Variants in KCNH8 observed in about 807,000 individuals in gnomAD.
KCNH8 encodes the protein voltage-gated delayed rectifier potassium channel KCNH8.
A neutral mutation model predicts 103.6 loss-of-function variants in KCNH8; 70 were observed. The observed-to-expected ratio is 0.68, with a 90% CI of 0.56 to 0.82. The LOEUF is 0.82. KCNH8 is among the 40% of genes least tolerant of loss of function. KCNH8 has a pLI of 0.00. For missense variants in KCNH8, 1,217 were observed against 1,329.9 expected (o/e 0.92, Z 1.32); for synonymous variants, 498 against 489.4 (o/e 1.02, Z -0.23).
intron 12 of KCNH8, among the ~76,000 whole-genome samples, chr3:19,511,682 C>CA (rs1012693489): frequency 5.3e-5 from 8 of 150,042 alleles, no homozygotes; most frequent in South Asian, 2.1e-4. Flanking sequence ...ACTATCCCAG[C>CA]AAAAAAAAAG....
At position 19,359,189 on chromosome 3, in the gene KCNH8, A is replaced by G. The variant is rs578060017; in HGVS notation, c.811+11224A>G. 1.8e-4 allele frequency among the ~76,000 whole-genome samples: 28 copies of G among 152,056 alleles called. 1 individual carries two copies. The South Asian group carries it at 4.6e-3, about 25-fold the overall frequency. On this transcript the variant is annotated intron_variant, in intron 5 of 15. Coordinates refer to ENST00000328405, the MANE Select transcript of KCNH8 (RefSeq NM_144633.3). Reference sequence around the variant, plus strand: ...AGAGGAATTGGAAAAAAGATCTGTTATGTAAATACTAACCAAAAGAAAAGA... The same window carrying G: ...AGAGGAATTGGAAAAAAGATCTGTTGTGTAAATACTAACCAAAAGAAAAGA...
At chr3:19,376,948 G>A (rs1239057114) in intron 5 of KCNH8, among the ~76,000 whole-genome samples, 1 of 152,202 alleles carries the variant, frequency 6.6e-6, no homozygotes, top group Non-Finnish European at 1.5e-5. Flanking sequence ...ACACAGCAAT[G>A]CTGTGCACAG....
chr3:19,160,623 A>G (rs974798207), intron 1 of KCNH8, among the ~76,000 whole-genome samples: 4 of 152,172 alleles, frequency 2.6e-5, no homozygotes, highest in African/African-American at 9.6e-5. Flanking sequence ...CATGATTTCA[A>G]TTATGTTCTG....
intron 11 of KCNH8, among the ~76,000 whole-genome samples, chr3:19,463,154 A>G (rs7638717): frequency 0.014 from 2,073 of 152,282 alleles, 49 homozygotes; most frequent in African/African-American, 0.046. Flanking sequence ...ATACTATGCC[A>G]TTTTATATCA....
At chr3:19,447,510 G>C (rs1364919748) in intron 8 of KCNH8, among the ~76,000 whole-genome samples, 1 of 151,944 alleles carries the variant, frequency 6.6e-6, no homozygotes, top group African/African-American at 2.4e-5. Context: ...CATAATTAAG[G>C]AAAGCAGTGT....
intron 7 of KCNH8, among the ~76,000 whole-genome samples, chr3:19,406,365 A>AT (rs1203415570): frequency 1.3e-5 from 2 of 152,094 alleles, no homozygotes; most frequent in African/African-American, 2.4e-5. Context: ...CTTAATAAAA[A>AT]TTTTCACTTT....
At position 19,473,678 on chromosome 3, in the gene KCNH8, A is replaced by G. The variant is rs1575109445; in HGVS notation, c.2040+16696A>G. Among the ~76,000 whole-genome samples the G allele has an allele frequency of 2.0e-5, 3 of 152,346 alleles. 1 individual carries two copies. The highest frequency in any genetic ancestry group is 4.1e-4 in the South Asian group (2 of 4,834). The stretch of plus-strand genomic sequence containing the variant: ...GTAAGAAGATGCAGGTCTTCTTATT[A>G]GTGGAAATAAATGAAAATCTCTTTG... On this transcript the variant is annotated intron_variant, in intron 11 of 15. Coordinates refer to ENST00000328405, the MANE Select transcript of KCNH8 (RefSeq NM_144633.3).
chr3:19,198,987 A>C (rs79142985), intron 1 of KCNH8, among the ~76,000 whole-genome samples: 2,983 of 152,182 alleles, frequency 0.02, 91 homozygotes, highest in African/African-American at 0.066. Flanking sequence ...GGCAGGCGTC[A>C]GGTGAACAGA....
chr3:19,416,794 G>A (rs866009369), intron 7 of KCNH8, among the ~76,000 whole-genome samples: 7 of 152,104 alleles, frequency 4.6e-5, no homozygotes, highest in African/African-American at 1.7e-4. Flanking sequence ...TAGTGTGCTT[G>A]CAATGCACAT....
At chr3:19,492,761 G>A (rs374730359) in intron 11 of KCNH8, among the ~76,000 whole-genome samples, 143 of 151,868 alleles carry the variant, frequency 9.4e-4, no homozygotes, top group African/African-American at 3.3e-3. Context: ...GAATCTGTAA[G>A]TTGCTTTGGC....
chr3:19,388,844 A>G (rs2125129672), intron 5 of KCNH8, among the ~76,000 whole-genome samples: 1 of 152,204 alleles, frequency 6.6e-6, no homozygotes, highest in African/African-American at 2.4e-5. Flanking sequence ...TGGAAGATGT[A>G]ATCCTGTGCT....
intron 1 of KCNH8, among the ~76,000 whole-genome samples, chr3:19,238,115 T>C (rs2064088644): frequency 6.6e-6 from 1 of 152,208 alleles, no homozygotes; most frequent in Admixed American, 6.5e-5. Flanking sequence ...CACCTCATGG[T>C]AGTCTGCTTT....
chr3:19,320,750 A>G (rs1030441937), intron 3 of KCNH8, among the ~76,000 whole-genome samples: 7 of 151,844 alleles, frequency 4.6e-5, no homozygotes, highest in Non-Finnish European at 7.4e-5. Context: ...TGTCAATACG[A>G]TTGGTACCAA....
intron 4 of KCNH8, among the ~76,000 whole-genome samples, chr3:19,346,320 C>A (rs990720077): frequency 1.3e-5 from 2 of 152,054 alleles, no homozygotes; most frequent in Admixed American, 6.6e-5. Context: ...ACCTTTGGAA[C>A]TGGTTTCTTG....
At chr3:19,337,101 G>C (rs2065594945) in intron 3 of KCNH8, among the ~76,000 whole-genome samples, 1 of 152,026 alleles carries the variant, frequency 6.6e-6, no homozygotes, top group African/African-American at 2.4e-5. Flanking sequence ...TTACTATGTT[G>C]AGTTGGAAAG....
chr3:19,408,909 G>C (rs773023647), intron 7 of KCNH8, among the ~76,000 whole-genome samples: 1 of 152,144 alleles, frequency 6.6e-6, no homozygotes, highest in Non-Finnish European at 1.5e-5. Context: ...ATTCCTTGGA[G>C]AGAAGGAGGA....
At chr3:19,356,198 T>C (rs1259447488) in intron 5 of KCNH8, among the ~76,000 whole-genome samples, 1 of 151,988 alleles carries the variant, frequency 6.6e-6, no homozygotes, top group Non-Finnish European at 1.5e-5. Context: ...TGGGAGATGA[T>C]ATATCTCTTT....
At chr3:19,301,836 A>G (rs990820834) in intron 3 of KCNH8, among the ~76,000 whole-genome samples, 3 of 152,234 alleles carry the variant, frequency 2.0e-5, no homozygotes, top group African/African-American at 4.8e-5. Flanking sequence ...ATAATTTGCT[A>G]TAGCTACTCG....
At chr3:19,236,942 T>C (rs2064074070) in intron 1 of KCNH8, among the ~76,000 whole-genome samples, 1 of 152,274 alleles carries the variant, frequency 6.6e-6, no homozygotes, top group African/African-American at 2.4e-5. Flanking sequence ...TATTCTGTTT[T>C]GACCTAATTC....
Sources: gnomAD v4.1 joint callset for allele counts (sites outside exome capture counted in the v4.1 genomes callset) on GRCh38, gnomAD v4.1.1 for gene constraint, MANE v1.5 for transcripts, NCBI Gene and HGNC (gene_info 2026-07-23, HGNC 2026-07-21) for gene names.